The following TPX2 variants were observed in gnomAD, a reference collection of about 807,000 sequenced individuals.
TPX2 encodes the protein TPX2 microtubule nucleation factor, also known as targeting protein for Xklp2.
A neutral mutation model predicts 93.6 loss-of-function variants in TPX2; 21 were observed. The ratio of observed to expected loss-of-function variants is 0.22; its 90% CI spans 0.16 to 0.32. The LOEUF is 0.32. Ranked by LOEUF, TPX2 falls within the 10% of genes least tolerant of loss-of-function variation. TPX2 has a pLI of 1.00. For synonymous variants in TPX2, 281 were observed against 298.3 expected (o/e 0.94, Z 0.60); for missense variants, 776 against 871.1 (o/e 0.89, Z 1.37).
intron 15 of TPX2, among the ~76,000 whole-genome samples, chr20:31,796,751 T>C (rs1290139538): frequency 6.6e-6 from 1 of 151,960 alleles, no homozygotes. Flanking sequence ...TAGGTGATAC[T>C]GTATAGTTCC....
At chr20:31,766,507 A>G (rs374209254) in intron 4 of TPX2, 49 bp from the exon 5 acceptor site, 23 of 1,517,868 alleles carry the variant, frequency 1.5e-5, no homozygotes, top group African/African-American at 1.5e-4. Context: ...CTCATCTCCA[A>G]TTATTTTCCT....
intron 2 of TPX2, among the ~76,000 whole-genome samples, chr20:31,756,157 TTGGA>T (rs1007760386): frequency 6.6e-6 from 1 of 152,108 alleles, no homozygotes; most frequent in African/African-American, 2.4e-5. Context: ...ACCTTGATGG[TTGGA>T]TGGATGGATG....
chr20:31,759,924 A>G, intron 3 of TPX2, 133 bp from the exon 4 acceptor site: 1 of 1,207,064 alleles, frequency 8.3e-7, no homozygotes, highest in Non-Finnish European at 1.1e-6. Context: ...TTTGATTGCT[A>G]GAACTTTGCT....
chr20:31,754,656 C>T (rs572278334), intron 2 of TPX2, among the ~76,000 whole-genome samples: 10 of 152,146 alleles, frequency 6.6e-5, no homozygotes, highest in African/African-American at 2.4e-4. Flanking sequence ...GCAGTTCCAC[C>T]TCTTAAGATT....
At chr20:31,747,921 CTGTGGACTT>C (rs1294008379) in intron 2 of TPX2, among the ~76,000 whole-genome samples, 2 of 151,972 alleles carry the variant, frequency 1.3e-5, no homozygotes, top group African/African-American at 4.8e-5. Flanking sequence ...CCACTAGGCC[CTGTGGACTT>C]TAATTTTGGA....
chr20:31,795,581 G>A (rs2062133703), intron 15 of TPX2, among the ~76,000 whole-genome samples: 1 of 152,258 alleles, frequency 6.6e-6, no homozygotes, highest in African/African-American at 2.4e-5. Flanking sequence ...GATCACCCGG[G>A]GAATGTGGGA....
chr20:31,779,436 C>T (rs2062020355), intron 10 of TPX2, among the ~76,000 whole-genome samples: 2 of 152,238 alleles, frequency 1.3e-5, no homozygotes, highest in Admixed American at 6.5e-5. Flanking sequence ...CTTGGTGCTA[C>T]TCAACATCAG....
intron 3 of TPX2, among the ~76,000 whole-genome samples, chr20:31,758,998 C>T (rs752013620): frequency 2.0e-5 from 3 of 152,074 alleles, no homozygotes; most frequent in Non-Finnish European, 4.4e-5. Flanking sequence ...AGTTTTAAAA[C>T]ATTTTTATTT....
At chr20:31,784,593 T>C (rs1426398788) in intron 12 of TPX2, among the ~76,000 whole-genome samples, 1 of 152,170 alleles carries the variant, frequency 6.6e-6, no homozygotes, top group East Asian at 1.9e-4. Context: ...TGGCAGAACA[T>C]TCCAGGCAGT....
At chr20:31,749,409 G>A (rs755717276) in intron 2 of TPX2, among the ~76,000 whole-genome samples, 1 of 152,134 alleles carries the variant, frequency 6.6e-6, no homozygotes, top group Non-Finnish European at 1.5e-5. Context: ...GATAATAACA[G>A]TACCTACTTT....
chr20:31,791,505 C>T (rs1321611131), intron 12 of TPX2, among the ~76,000 whole-genome samples: 4 of 152,308 alleles, frequency 2.6e-5, no homozygotes, highest in African/African-American at 4.8e-5. Context: ...AGGATAGTCT[C>T]GATCTCCTGA....
At chr20:31,758,119 A>ATTTTT (rs35354345) in intron 3 of TPX2, among the ~76,000 whole-genome samples, 4 of 115,260 alleles carry the variant, frequency 3.5e-5, no homozygotes, top group Admixed American at 8.8e-5. Context: ...CCCTCAATTC[A>ATTTTT]TTTTTTTTTT....
At chr20:31,777,451 A>T (rs749245885) in intron 8 of TPX2, 36 bp from the exon 9 acceptor site, 1 of 1,601,124 alleles carries the variant, frequency 6.2e-7, no homozygotes, top group Non-Finnish European at 8.5e-7. Context: ...CCCTATCTTA[A>T]TGTTGTCTGT....
Position 31,762,442 on chromosome 20 carries a change from C to T in TPX2, c.229+2263C>T, listed in dbSNP as rs548868930. Among the ~76,000 whole-genome samples, 9 of 152,180 alleles carry T rather than the reference C, an allele frequency of 5.9e-5. No individual in the cohort carries two copies. The South Asian group carries it at 1.0e-3, about 18-fold the overall frequency. Reference sequence around the variant, plus strand: ...TCGGCTCACTGCAACCTCCGCCTCCCGGGTTCAAGTGATCCTCCTGCCCCA... The same window carrying T: ...TCGGCTCACTGCAACCTCCGCCTCCTGGGTTCAAGTGATCCTCCTGCCCCA... On this transcript the variant is annotated intron_variant, in intron 4 of 17. Transcript: ENST00000300403.
intron 10 of TPX2, 48 bp downstream of exon 10, chr20:31,779,032 C>T: frequency 6.7e-7 from 1 of 1,503,540 alleles, no homozygotes. Context: ...CTCCTACATT[C>T]CCTCTGCTTA....
intron 2 of TPX2, among the ~76,000 whole-genome samples, chr20:31,750,632 A>G (rs892786543): frequency 6.6e-6 from 1 of 151,702 alleles, no homozygotes; most frequent in Non-Finnish European, 1.5e-5. Flanking sequence ...AACTCAGCTA[A>G]TTTTTGTATT....
intron 17 of TPX2, 112 bp from the exon 18 acceptor site, chr20:31,800,858 A>T: frequency 1.1e-6 from 1 of 874,400 alleles, no homozygotes; most frequent in Non-Finnish European, 1.9e-6. Context: ...GAAACTAGTG[A>T]CTGGGACCTG....
chr20:31,768,826 T>A (rs1411138877), intron 5 of TPX2, among the ~76,000 whole-genome samples: 3 of 151,982 alleles, frequency 2.0e-5, no homozygotes, highest in Admixed American at 2.0e-4. Context: ...AAATGGCCGA[T>A]ACACATGTGA....
At chr20:31,788,220 C>T (rs1051012402) in intron 12 of TPX2, among the ~76,000 whole-genome samples, 4 of 151,960 alleles carry the variant, frequency 2.6e-5, no homozygotes, top group East Asian at 3.9e-4. Context: ...AGTTGGAGAC[C>T]AGCCTGCCCA....
Sources: allele counts gnomAD v4.1 joint callset (sites outside exome capture counted in the v4.1 genomes callset), GRCh38; gene constraint gnomAD v4.1.1; transcripts MANE v1.5; gene names NCBI Gene and HGNC (gene_info 2026-07-23, HGNC 2026-07-21).